ACCSL: variants seen among roughly 807,000 people sequenced by gnomAD.
ACCSL encodes probable inactive 1-aminocyclopropane-1-carboxylate synthase-like protein 2.
A neutral mutation model predicts 61.7 loss-of-function variants in ACCSL; 55 were observed. The observed-to-expected ratio is 0.89, with a 90% CI of 0.72 to 1.12. ACCSL has a LOEUF of 1.12. Ranked by LOEUF, ACCSL falls within the 50% of genes most tolerant of loss-of-function variation. The pLI is 0.00. For synonymous variants in ACCSL, 258 were observed against 264.3 expected, an observed-to-expected ratio of 0.98 and a Z score of 0.23; for missense variants, 632 against 698.0, an observed-to-expected ratio of 0.91 and a Z score of 1.07.
chr11:43,989,201 G>C, the ACCSL span, among the ~76,000 whole-genome samples: 3 of 152,224 alleles, frequency 2.0e-5, no homozygotes, highest in African/African-American at 7.2e-5. Context: ...CTCATCAGCT[G>C]TGTGGCCTTG....
chr11:43,922,871 A>G, the ACCSL span, among the ~76,000 whole-genome samples: 3 of 152,230 alleles, frequency 2.0e-5, no homozygotes, highest in East Asian at 5.8e-4. Context: ...CCACACTAAA[A>G]ATGTCTTCTT....
chr11:43,965,655 A>G, the ACCSL span, among the ~76,000 whole-genome samples: 1 of 152,216 alleles, frequency 6.6e-6, no homozygotes, highest in Non-Finnish European at 1.5e-5. Flanking sequence ...GAATAGATAA[A>G]ACAATCTCGA....
the ACCSL span, among the ~76,000 whole-genome samples, chr11:43,934,312 G>GC: frequency 8.9e-4 from 135 of 152,028 alleles, no homozygotes; most frequent in Middle Eastern, 3.4e-3. Flanking sequence ...TTGTGTGGAG[G>GC]GCCCCCTGGG....
At chr11:43,971,063 T>G in the ACCSL span, among the ~76,000 whole-genome samples, 1 of 152,182 alleles carries the variant, frequency 6.6e-6, no homozygotes, top group Admixed American at 6.5e-5. Context: ...CCAGGCCCAG[T>G]GGCTCACGTC....
At chr11:44,000,912 A>G in the ACCSL span, among the ~76,000 whole-genome samples, 1 of 152,198 alleles carries the variant, frequency 6.6e-6, no homozygotes, top group Non-Finnish European at 1.5e-5. Flanking sequence ...CAACTATGCT[A>G]TAAGCCCATT....
At chr11:43,940,840 C>T in the ACCSL span, among the ~76,000 whole-genome samples, 2 of 152,172 alleles carry the variant, frequency 1.3e-5, no homozygotes, top group African/African-American at 4.8e-5. Flanking sequence ...ACTCTCTTCC[C>T]ACCTTGTCAC....
At chr11:43,975,184 GA>G in the ACCSL span, among the ~76,000 whole-genome samples, 615 of 151,598 alleles carry the variant, frequency 4.1e-3, 6 homozygotes, top group African/African-American at 0.011. Flanking sequence ...GCCAGTGAGG[GA>G]AAAAAAATGG....
the ACCSL span, among the ~76,000 whole-genome samples, chr11:43,980,758 C>A: frequency 6.6e-6 from 1 of 152,166 alleles, no homozygotes; most frequent in East Asian, 1.9e-4. Flanking sequence ...AAGCTAGTAG[C>A]TTTTCAGTGT....
the ACCSL span, among the ~76,000 whole-genome samples, chr11:44,003,253 C>G: frequency 6.6e-6 from 1 of 152,202 alleles, no homozygotes; most frequent in Non-Finnish European, 1.5e-5. Context: ...GTGTTTGCAG[C>G]CACTGCCAGA....
intron 11 of ACCSL, among the ~76,000 whole-genome samples, 162 bp downstream of exon 11, chr11:44,056,488 A>G (rs1225666225): frequency 6.6e-6 from 1 of 152,228 alleles, no homozygotes; most frequent in Non-Finnish European, 1.5e-5. Context: ...AGGGCAAGAT[A>G]GGGCAGATAA....
the ACCSL span, among the ~76,000 whole-genome samples, chr11:43,935,080 G>A: frequency 6.6e-6 from 1 of 152,156 alleles, no homozygotes; most frequent in Non-Finnish European, 1.5e-5. Flanking sequence ...TGGCTGAAGG[G>A]GAGGCATCTA....
chr11:43,943,156 G>C, the ACCSL span: 1 of 1,504,212 alleles, frequency 6.6e-7, no homozygotes, highest in Non-Finnish European at 8.9e-7. The surrounding 1 kb of genome is among the most constrained non-coding windows in gnomAD (Gnocchi z 4.8). Context: ...AGTCGTTCCT[G>C]CAGAGCCTGG....
the ACCSL span, among the ~76,000 whole-genome samples, chr11:43,993,946 A>T: frequency 6.6e-6 from 1 of 152,136 alleles, no homozygotes; most frequent in Admixed American, 6.5e-5. Flanking sequence ...CTGTGCCCAG[A>T]TGCATATCCC....
the ACCSL span, among the ~76,000 whole-genome samples, chr11:44,040,780 G>A: frequency 6.6e-6 from 1 of 150,746 alleles, no homozygotes; most frequent in Non-Finnish European, 1.5e-5. Flanking sequence ...CCTCCAGTGA[G>A]GTAGGGTCCC....
the ACCSL span, chr11:43,995,008 C>T: frequency 6.6e-6 from 1 of 152,172 alleles, no homozygotes. Flanking sequence ...CCTTTACACT[C>T]TATAGGGTGG....
intron 3 of ACCSL, among the ~76,000 whole-genome samples, chr11:44,050,840 C>CTTT (rs66464203): frequency 7.9e-5 from 10 of 126,764 alleles, no homozygotes; most frequent in African/African-American, 2.4e-4. Context: ...GGCCTGAGTT[C>CTTT]TTTTTTTTTT....
At position 44,059,844 on chromosome 11, in the gene ACCSL, G is replaced by C. The variant is rs767298232; in HGVS notation, c.1631G>C (p.Arg544Pro). 1 of 1,613,382 alleles carries C rather than the reference G, an allele frequency of 6.2e-7. No homozygotes were observed. Among genetic ancestry groups the C allele is most frequent in the Admixed American group, 1.7e-5 (1 of 59,992 alleles). The change falls in exon 14 of 14, where the codon CGT (arginine) becomes CCT (proline). Residue 544 changes from arginine (R) to proline (P), a missense_variant. Arg to Pro is a moderately radical substitution (Grantham distance 103). Transcript: ENST00000378832. ...DELPRLKLAM[R>P]RFCDVLQEQK... ...CCCCATTTGAACCCTCTAGCTATGC[G>C]TCGGTTCTGTGATGTGCTGCAGGAG... is the stretch of plus-strand genomic sequence containing the variant.
chr11:44,028,678 A>G, the ACCSL span, among the ~76,000 whole-genome samples: 1 of 152,112 alleles, frequency 6.6e-6, no homozygotes, highest in Admixed American at 6.5e-5. Context: ...CAAATCCTGG[A>G]TTGTGTGATA....
the ACCSL span, among the ~76,000 whole-genome samples, chr11:44,026,290 T>G: frequency 6.6e-6 from 1 of 152,192 alleles, no homozygotes; most frequent in South Asian, 2.1e-4. Context: ...CTTTATTTTA[T>G]CTGTTCAATT....
Sources: allele counts gnomAD v4.1 joint callset (sites outside exome capture counted in the v4.1 genomes callset), GRCh38; gene constraint gnomAD v4.1.1; non-coding constraint Gnocchi (gnomAD v3.1); transcripts MANE v1.5; gene names NCBI Gene and HGNC (gene_info 2026-07-23, HGNC 2026-07-21).